Variants in AIMP2 observed in about 807,000 individuals in gnomAD.
The protein encoded by AIMP2 is aminoacyl tRNA synthase complex-interacting multifunctional protein 2.
In AIMP2, 20 loss-of-function variants were observed where a neutral mutation model predicts 23.4. That is an observed-to-expected ratio of 0.85 (90% CI 0.60 to 1.24). AIMP2 has a LOEUF of 1.24. AIMP2 is among the 50% of genes most tolerant of loss of function. The pLI, the probability that AIMP2 is intolerant of heterozygous loss-of-function variation, is 0.00. For synonymous variants in AIMP2, 210 were observed against 170.4 expected (o/e 1.23, Z -1.81); for missense variants, 515 against 414.5 (o/e 1.24, Z -2.10).
At chr7:6,023,152 G>A (rs1787556688) in intron 3 of AIMP2, 151 bp from the exon 4 acceptor site, 1 of 910,264 alleles carries the variant, frequency 1.1e-6, no homozygotes, top group Admixed American at 3.0e-5. Flanking sequence ...AAGCATCTTA[G>A]AGACAGACTG....
intron 2 of AIMP2, 84 bp from the exon 3 acceptor site, chr7:6,017,730 C>T (rs1234521287): frequency 7.9e-7 from 1 of 1,258,446 alleles, no homozygotes; most frequent in Non-Finnish European, 1.1e-6. Flanking sequence ...GTTAGATAAC[C>T]CTGGTTAGGT....
At position 6,009,292 on chromosome 7, in the gene AIMP2, C is replaced by A. The variant is rs1318106835; in HGVS notation, c.-72C>A. The A allele has an allele frequency of 5.6e-6, 9 of 1,609,378 alleles. No individual in the cohort carries two copies. In the East Asian group the frequency reaches 1.8e-4, roughly 32 times the overall value. On this transcript the variant is annotated 5_prime_UTR_variant, in exon 1 of 4. Transcript: ENST00000223029. ...GGGTCAGAAGGGAGGTGGCCGGTCTCCGTCGTGACCTCTGACGGTTTCTGA... is the reference window on the plus strand; with the variant it reads ...GGGTCAGAAGGGAGGTGGCCGGTCTACGTCGTGACCTCTGACGGTTTCTGA...
chr7:6,009,311 T>C lies in AIMP2; in HGVS notation c.-53T>C, dbSNP rs1186307620. 23 of 1,611,152 alleles carry C rather than the reference T, an allele frequency of 1.4e-5. No homozygotes were observed. In the African/African-American group the frequency reaches 2.3e-4, roughly 16 times the overall value. ...CGGTCTCCGTCGTGACCTCTGACGGTTTCTGAGCGTTGGCCTTTGGCACGC... is the reference window on the plus strand; with the variant it reads ...CGGTCTCCGTCGTGACCTCTGACGGCTTCTGAGCGTTGGCCTTTGGCACGC... On this transcript the variant is annotated 5_prime_UTR_variant, in exon 1 of 4. Coordinates refer to ENST00000223029, the MANE Select transcript of AIMP2 (RefSeq NM_006303.4).
Position 6,023,304 on chromosome 7 carries a change from G to A in AIMP2, c.576G>A (p.Val192=), listed in dbSNP as rs1583468914. ...QLGFTLIWKN[V]PKTQMKFSIQ... is the part of the protein sequence containing the mutation. ...ACCTGGCGTGTTTTTTCTTTTCAGT[G>A]CCGAAGACGCAGATGAAATTCAGCA... Residue 192 remains valine, a splice_region_variant and synonymous_variant, in exon 4 of 4, where the codon GTG becomes GTA. Transcript: ENST00000223029. 6.3e-7 allele frequency: 1 copy of A among 1,588,410 alleles called. No individual in the cohort carries two copies. Among genetic ancestry groups the A allele is most frequent in the East Asian group, 2.2e-5 (1 of 44,696 alleles).
chr7:6,014,250 C>CT (rs57008315), intron 1 of AIMP2, among the ~76,000 whole-genome samples: 8,930 of 67,420 alleles, frequency 0.13, 1,083 homozygotes, highest in South Asian at 0.19. Flanking sequence ...TTTGTTGAAG[C>CT]TTTTTTTTTT....
At chr7:6,015,719 G>A (rs142533673) in intron 2 of AIMP2, among the ~76,000 whole-genome samples, 16 of 152,304 alleles carry the variant, frequency 1.1e-4, no homozygotes, top group African/African-American at 3.9e-4. Flanking sequence ...GCGAGACTCC[G>A]TCTCAAAACA....
chr7:6,010,127 AT>A (rs1279358742), intron 1 of AIMP2, among the ~76,000 whole-genome samples: 1 of 150,830 alleles, frequency 6.6e-6, no homozygotes, highest in East Asian at 1.9e-4. Context: ...CCTTGTCTCT[AT>A]TTTTTAAATG....
chr7:6,009,650 G>C (rs6976251), intron 1 of AIMP2, 152 bp downstream of exon 1: 505,856 of 631,188 alleles, frequency 0.8, 204,172 homozygotes, highest in East Asian at 0.93. Context: ...AGACTTTTAT[G>C]TTTTAAAAGA....
At chr7:6,015,393 G>C in intron 2 of AIMP2, 41 bp downstream of exon 2, 2 of 1,599,080 alleles carry the variant, frequency 1.3e-6, no homozygotes, top group Non-Finnish European at 8.6e-7. Flanking sequence ...TAGGTACTGA[G>C]TGGTTAGTGC....
At chr7:6,009,974 A>AAAAT in intron 1 of AIMP2, among the ~76,000 whole-genome samples, 1 of 26,660 alleles carries the variant, frequency 3.8e-5, no homozygotes, top group Non-Finnish European at 6.8e-5. Flanking sequence ...AAAAAAAAAA[A>AAAAT]ATATATATAT....
At chr7:6,010,571 C>G (rs1203461565) in intron 1 of AIMP2, among the ~76,000 whole-genome samples, 1 of 151,920 alleles carries the variant, frequency 6.6e-6, no homozygotes. Flanking sequence ...GCCTCAGCCT[C>G]CTGAGTAGCT....
chr7:6,011,043 A>G (rs1466525625), intron 1 of AIMP2, among the ~76,000 whole-genome samples: 2 of 152,130 alleles, frequency 1.3e-5, no homozygotes, highest in African/African-American at 4.8e-5. Context: ...TCTCTGTACT[A>G]TACCGTTCTA....
At chr7:6,018,467 A>T (rs73331346) in intron 3 of AIMP2, among the ~76,000 whole-genome samples, 4,027 of 151,634 alleles carry the variant, frequency 0.027, 196 homozygotes, top group African/African-American at 0.092. Context: ...ATTTTTTTCA[A>T]TAACTATCTT....
At chr7:6,018,232 C>T (rs2128879709) in intron 3 of AIMP2, among the ~76,000 whole-genome samples, 187 bp downstream of exon 3, 2 of 150,366 alleles carry the variant, frequency 1.3e-5, no homozygotes, top group South Asian at 4.2e-4. Context: ...CTGCAACCTC[C>T]ACCTCCTGGG....
At chr7:6,018,903 G>A (rs185036162) in intron 3 of AIMP2, among the ~76,000 whole-genome samples, 1 of 151,530 alleles carries the variant, frequency 6.6e-6, no homozygotes, top group Admixed American at 6.6e-5. Context: ...TTACATACTA[G>A]TCTATTATTT....
At chr7:6,020,393 C>T (rs1454060058) in intron 3 of AIMP2, among the ~76,000 whole-genome samples, 2 of 152,048 alleles carry the variant, frequency 1.3e-5, no homozygotes, top group Non-Finnish European at 2.9e-5. Flanking sequence ...TATACTCCAG[C>T]CTGGGCTACA....
chr7:6,019,806 G>T (rs1189910796), intron 3 of AIMP2, among the ~76,000 whole-genome samples: 1 of 152,020 alleles, frequency 6.6e-6, no homozygotes, highest in Non-Finnish European at 1.5e-5. Context: ...GGCAGATCAC[G>T]AGGTTAAGAG....
chr7:6,022,953 A>T (rs1562734601), intron 3 of AIMP2: 1 of 235,804 alleles, frequency 4.2e-6, no homozygotes, highest in South Asian at 9.8e-5. Flanking sequence ...GAAGGCGATT[A>T]TGAGGCCAAG....
chr7:6,016,155 G>A (rs919788734), intron 2 of AIMP2, among the ~76,000 whole-genome samples: 16 of 152,052 alleles, frequency 1.1e-4, no homozygotes, highest in African/African-American at 3.9e-4. Context: ...TTTCAAATGC[G>A]TTTTGCTTGA....
Sources: gnomAD v4.1 joint callset for allele counts (sites outside exome capture counted in the v4.1 genomes callset) on GRCh38, gnomAD v4.1.1 for gene constraint, MANE v1.5 for transcripts, NCBI Gene and HGNC (gene_info 2026-07-23, HGNC 2026-07-21) for gene names.